Variants in AGBL4 observed in about 807,000 individuals in gnomAD.
The protein encoded by AGBL4 is cytosolic carboxypeptidase 6.
Under a neutral mutation model 66.4 loss-of-function variants are expected in AGBL4, and 58 were observed. The ratio of observed to expected loss-of-function variants is 0.87; its 90% CI spans 0.71 to 1.09. AGBL4 has a LOEUF of 1.09. Among genes scored for constraint, AGBL4 ranks in the 50% least tolerant of loss-of-function variants. The probability of loss-of-function intolerance (pLI) is 0.00; values close to 1 mark genes in which losing one functional copy is unlikely to be tolerated. For missense variants in AGBL4, 579 were observed against 631.0 expected, an observed-to-expected ratio of 0.92 and a Z score of 0.88; for synonymous variants, 234 against 222.9, an observed-to-expected ratio of 1.05 and a Z score of -0.44.
chr1:49,777,182 C>T (rs191411288), intron 2 of AGBL4, among the ~76,000 whole-genome samples: 6 of 152,156 alleles, frequency 3.9e-5, no homozygotes, highest in African/African-American at 1.4e-4. Context: ...AAATCAGGCA[C>T]ATAACAATTA....
At chr1:49,805,150 G>T (rs1571605556) in intron 2 of AGBL4, among the ~76,000 whole-genome samples, 1 of 152,200 alleles carries the variant, frequency 6.6e-6, no homozygotes, top group Non-Finnish European at 1.5e-5. Flanking sequence ...CAATGATGGA[G>T]AAGGAAAACA....
chr1:49,447,199 A>G lies in AGBL4; in HGVS notation c.283-201335T>C, dbSNP rs1476271989. ...ATTCTCTGCTTAAAAAACCAAGTAC[A>G]AAGTTTGTGCCACTGCTAGAATGAG... On this transcript the variant is annotated intron_variant, in intron 3 of 13. Transcript: ENST00000371839. Among the ~76,000 whole-genome samples the G allele has an allele frequency of 3.9e-5, 6 of 152,194 alleles. No homozygotes were observed. In the East Asian group the frequency reaches 1.2e-3, roughly 29 times the overall value.
At chr1:49,610,689 T>C (rs1162293500) in intron 3 of AGBL4, among the ~76,000 whole-genome samples, 1 of 152,194 alleles carries the variant, frequency 6.6e-6, no homozygotes, top group East Asian at 1.9e-4. Context: ...ACCTCATCTA[T>C]GAGGAAGAGG....
At chr1:49,846,719 C>A (rs1382949287) in intron 2 of AGBL4, among the ~76,000 whole-genome samples, 1 of 151,968 alleles carries the variant, frequency 6.6e-6, no homozygotes, top group Admixed American at 6.5e-5. Context: ...ATACATGTAA[C>A]CAAGGAGATG....
chr1:48,837,634 G>A (rs1230825912), intron 6 of AGBL4, among the ~76,000 whole-genome samples: 1 of 148,744 alleles, frequency 6.7e-6, no homozygotes, highest in African/African-American at 2.5e-5. Context: ...GTGGGGCCTT[G>A]TGATTGTGTG....
intron 4 of AGBL4, among the ~76,000 whole-genome samples, chr1:49,190,182 CTG>C: frequency 6.6e-6 from 1 of 152,318 alleles, no homozygotes; most frequent in Non-Finnish European, 1.5e-5. Context: ...ATGGCTAAGA[CTG>C]GGCCTGCCCA....
chr1:48,952,877 C>A (rs978302583), intron 5 of AGBL4, among the ~76,000 whole-genome samples: 1 of 150,876 alleles, frequency 6.6e-6, no homozygotes, highest in Non-Finnish European at 1.5e-5. Flanking sequence ...TTTTTTTTAG[C>A]TCATCAGCTA....
At chr1:48,974,942 T>C (rs901834064) in intron 5 of AGBL4, among the ~76,000 whole-genome samples, 2 of 152,180 alleles carry the variant, frequency 1.3e-5, no homozygotes, top group Middle Eastern at 3.2e-3. Context: ...TTTTTTATCA[T>C]AATCTAGTCT....
chr1:48,590,745 C>T, intron 10 of AGBL4, 88 bp downstream of exon 10: 4 of 1,439,156 alleles, frequency 2.8e-6, no homozygotes, highest in Non-Finnish European at 3.7e-6. Context: ...TCCCGTGGAG[C>T]TTAAAGCAAA....
rs147738000 is a variant in AGBL4 at position 49,188,674 on chromosome 1, G to C, written c.377+57096C>G. Reference sequence around the variant, plus strand: ...AGGAGCAGCACACAGATCTTAGGGAGCATGAAATTTAAAAGCAACTTGGTA... The same window carrying C: ...AGGAGCAGCACACAGATCTTAGGGACCATGAAATTTAAAAGCAACTTGGTA... On this transcript the variant is annotated intron_variant, in intron 4 of 13. Transcript: ENST00000371839. Among the ~76,000 whole-genome samples, 191 of 152,252 alleles carry C rather than the reference G, an allele frequency of 1.3e-3. 1 individual carries two copies. The highest frequency in any genetic ancestry group is 2.2e-3 in the Non-Finnish European group (151 of 68,000).
chr1:48,838,213 A>G (rs1646726765), intron 6 of AGBL4, among the ~76,000 whole-genome samples: 1 of 152,294 alleles, frequency 6.6e-6, no homozygotes, highest in South Asian at 2.1e-4. Context: ...CTGGAACCAC[A>G]AAAGACCCAG....
rs71609867 is a variant in AGBL4, at chr1:49,706,463, C to T, written c.158-9026G>A. On this transcript the variant is annotated intron_variant, in intron 2 of 13. Coordinates refer to ENST00000371839, the MANE Select transcript of AGBL4 (RefSeq NM_032785.4). ...TTTTCTTCTTTATTAGTCTGGCCAG[C>T]GGTCTATCTATTTTGTTAATCTTTT... Among the ~76,000 whole-genome samples the T allele has an allele frequency of 4.5e-4, 69 of 151,952 alleles. 1 individual carries two copies. In the South Asian group the frequency reaches 0.014, roughly 30 times the overall value.
At chr1:49,795,474 A>G (rs1644707167) in intron 2 of AGBL4, among the ~76,000 whole-genome samples, 1 of 152,060 alleles carries the variant, frequency 6.6e-6, no homozygotes, top group Non-Finnish European at 1.5e-5. Context: ...AAAGGGAGGA[A>G]AAATCACTGG....
intron 1 of AGBL4, among the ~76,000 whole-genome samples, chr1:49,918,909 G>C (rs950924495): frequency 6.6e-6 from 1 of 152,120 alleles, no homozygotes; most frequent in African/African-American, 2.4e-5. Flanking sequence ...TTCATCCCTG[G>C]GATGCAAGGC....
chr1:48,611,531 A>C (rs1279275826), intron 9 of AGBL4, among the ~76,000 whole-genome samples: 2 of 152,262 alleles, frequency 1.3e-5, no homozygotes, highest in African/African-American at 4.8e-5. Flanking sequence ...GTTAATACAA[A>C]TAAAGGACTT....
At chr1:49,426,001 G>C (rs1645650014) in intron 3 of AGBL4, among the ~76,000 whole-genome samples, 2 of 152,204 alleles carry the variant, frequency 1.3e-5, no homozygotes, top group African/African-American at 4.8e-5. Context: ...ATAATGAACA[G>C]ATGAGCTAAT....
At chr1:49,267,430 C>T (rs1557785395) in intron 3 of AGBL4, among the ~76,000 whole-genome samples, 2 of 152,098 alleles carry the variant, frequency 1.3e-5, no homozygotes, top group African/African-American at 4.8e-5. Flanking sequence ...CCTATAATCC[C>T]AGCACTTTGG....
At chr1:49,078,707 C>T (rs918721469) in intron 4 of AGBL4, among the ~76,000 whole-genome samples, 2 of 152,146 alleles carry the variant, frequency 1.3e-5, no homozygotes, top group Admixed American at 6.5e-5. Flanking sequence ...TCTCTACAGC[C>T]TCTCTGCCCA....
chr1:49,357,796 C>A (rs113993700), intron 3 of AGBL4, among the ~76,000 whole-genome samples: 244 of 152,324 alleles, frequency 1.6e-3, no homozygotes, highest in Non-Finnish European at 2.7e-3. Flanking sequence ...ACTTGGCACT[C>A]AGTAGAAGTC....
Sources: gnomAD v4.1 joint callset for allele counts (sites outside exome capture counted in the v4.1 genomes callset) on GRCh38, gnomAD v4.1.1 for gene constraint, MANE v1.5 for transcripts, NCBI Gene and HGNC (gene_info 2026-07-23, HGNC 2026-07-21) for gene names.